Variants in RBFOX1 observed in about 807,000 individuals in gnomAD.
The protein encoded by RBFOX1 is RNA binding protein fox-1 homolog 1.
A neutral mutation model predicts 57.7 loss-of-function variants in RBFOX1; 8 were observed. The observed-to-expected ratio is 0.14, with a 90% CI of 0.08 to 0.25. RBFOX1 has a LOEUF of 0.25. Ranked by LOEUF, RBFOX1 falls within the 10% of genes least tolerant of loss-of-function variation. The pLI, the probability that RBFOX1 is intolerant of heterozygous loss-of-function variation, is 1.00. For missense variants in RBFOX1, 611 were observed against 548.5 expected, an observed-to-expected ratio of 1.11 and a Z score of -1.14; for synonymous variants, 326 against 222.4, an observed-to-expected ratio of 1.47 and a Z score of -4.15.
chr16:6,070,598 T>C (rs932464935), intron 1 of RBFOX1, among the ~76,000 whole-genome samples: 1 of 152,172 alleles, frequency 6.6e-6, no homozygotes, highest in African/African-American at 2.4e-5. Flanking sequence ...AGCAGCTGGC[T>C]ATGGAGAGGC....
Position 6,183,499 on chromosome 16 carries a change from T to TAAATAAATAAAA in RBFOX1, c.-126-133485_-126-133484insAAAATAAATAAA, listed in dbSNP as rs1282178047. Among the ~76,000 whole-genome samples, 28 of 147,280 alleles carry TAAATAAATAAAA rather than the reference T, an allele frequency of 1.9e-4. No homozygotes were observed. In the East Asian group the frequency reaches 5.5e-3, roughly 29 times the overall value. On this transcript the variant is annotated intron_variant, in intron 1 of 15. Transcript: ENST00000550418. ...CATCTAAAAAAATTAAATAAATAAA[T>TAAATAAATAAAA]AAATAAATAAATAAATAAATAAATA... is the stretch of plus-strand genomic sequence containing the variant.
At chr16:7,109,959 G>C (rs1187274159) in intron 4 of RBFOX1, among the ~76,000 whole-genome samples, 1 of 152,094 alleles carries the variant, frequency 6.6e-6, no homozygotes, top group East Asian at 1.9e-4. Context: ...TGTGATAGGG[G>C]TTATTAAGGA....
intron 2 of RBFOX1, among the ~76,000 whole-genome samples, chr16:6,571,728 A>C (rs2097347528): frequency 6.6e-6 from 1 of 152,214 alleles, no homozygotes; most frequent in South Asian, 2.1e-4. Context: ...TTTATTACAC[A>C]GAGGAAAGAA....
intron 3 of RBFOX1, among the ~76,000 whole-genome samples, chr16:6,685,741 T>C (rs886322769): frequency 6.6e-6 from 1 of 152,134 alleles, no homozygotes; most frequent in African/African-American, 2.4e-5. Flanking sequence ...TTTTAACAAT[T>C]TGGTGTCTGC....
intron 1 of RBFOX1, among the ~76,000 whole-genome samples, chr16:6,231,056 T>G (rs953552264): frequency 6.6e-6 from 1 of 152,132 alleles, no homozygotes; most frequent in African/African-American, 2.4e-5. Context: ...ACTATCCAGA[T>G]AGAAACTAAT....
intron 1 of RBFOX1, among the ~76,000 whole-genome samples, chr16:5,368,268 C>G (rs1305317531): frequency 6.6e-6 from 1 of 152,212 alleles, no homozygotes. Context: ...TTTTTTTACG[C>G]TTGCGACTGC....
In RBFOX1 at chr16:6,509,345, A is replaced by T. The variant is rs138115449; in HGVS notation, c.-63-145258A>T. The stretch of plus-strand genomic sequence containing the variant: ...TGGTACATATACACAGTGGACTACT[A>T]TTCAGCTATAAAAAGAATGAGATCC... On this transcript the variant is annotated intron_variant, in intron 2 of 15. Coordinates refer to ENST00000550418, the MANE Select transcript of RBFOX1 (RefSeq NM_018723.4). Among the ~76,000 whole-genome samples, 32 of 152,342 alleles carry T rather than the reference A, an allele frequency of 2.1e-4. 1 individual carries two copies. In the East Asian group the frequency reaches 6.2e-3, roughly 29 times the overall value.
intron 2 of RBFOX1, among the ~76,000 whole-genome samples, chr16:6,627,946 A>G (rs116394253): frequency 0.022 from 3,325 of 152,316 alleles, 140 homozygotes; most frequent in African/African-American, 0.075. Context: ...CTCCTGTTCA[A>G]GGCCCACTCT....
intron 3 of RBFOX1, chr16:6,721,754 T>C (rs2066037690): frequency 6.6e-6 from 1 of 152,162 alleles, no homozygotes; most frequent in Non-Finnish European, 1.5e-5. Flanking sequence ...AATTAATTAA[T>C]TTTTTGACCC....
chr16:7,313,037 C>T (rs549216144), intron 4 of RBFOX1, among the ~76,000 whole-genome samples: 65 of 152,180 alleles, frequency 4.3e-4, no homozygotes, highest in Non-Finnish European at 6.0e-4. Context: ...GGAGAGGCAG[C>T]GTGTTCCCCA....
chr16:5,477,252 T>G (rs1414842412), intron 2 of RBFOX1, among the ~76,000 whole-genome samples: 1 of 148,264 alleles, frequency 6.7e-6, no homozygotes, highest in African/African-American at 2.4e-5. Context: ...GGTGCCTGTA[T>G]TTTTTTTCCT....
In RBFOX1 at chr16:6,440,713, A is replaced by G. The variant is rs976037748; in HGVS notation, c.-64+123656A>G. On this transcript the variant is annotated intron_variant, in intron 2 of 15. Transcript: ENST00000550418. Reference sequence around the variant, plus strand: ...CTACTTGGGAGGCTGAGGCAGGAGAATCGCTTGAACTTGGGAGGCAGAGGT... The same window carrying G: ...CTACTTGGGAGGCTGAGGCAGGAGAGTCGCTTGAACTTGGGAGGCAGAGGT... Among the ~76,000 whole-genome samples the G allele has an allele frequency of 1.7e-4, 26 of 151,802 alleles. 1 individual carries two copies. The Middle Eastern group carries it at 0.01, about 60-fold the overall frequency.
chr16:6,685,279 T>TTC (rs1555690658), intron 3 of RBFOX1, among the ~76,000 whole-genome samples: 3 of 103,486 alleles, frequency 2.9e-5, no homozygotes, highest in Admixed American at 1.0e-4. Flanking sequence ...TTTTCTTTTT[T>TTC]TTTTTTTTTT....
chr16:6,973,772 T>G (rs892320083), intron 3 of RBFOX1, among the ~76,000 whole-genome samples: 1 of 152,124 alleles, frequency 6.6e-6, no homozygotes, highest in African/African-American at 2.4e-5. Flanking sequence ...TAACCGGTAG[T>G]TTTTAATTTT....
At chr16:6,541,438 C>T (rs141051972) in intron 2 of RBFOX1, among the ~76,000 whole-genome samples, 1 of 152,316 alleles carries the variant, frequency 6.6e-6, no homozygotes, top group Non-Finnish European at 1.5e-5. Context: ...GAGTTGGTCA[C>T]AGTGCAGGGA....
At chr16:7,157,908 C>T (rs1320621132) in intron 4 of RBFOX1, among the ~76,000 whole-genome samples, 4 of 152,162 alleles carry the variant, frequency 2.6e-5, no homozygotes, top group East Asian at 1.9e-4. Context: ...GTAGAGACTT[C>T]CGAGGAGCTG....
chr16:5,534,842 A>G (rs1035522670), intron 2 of RBFOX1, among the ~76,000 whole-genome samples: 28 of 152,232 alleles, frequency 1.8e-4, no homozygotes, highest in African/African-American at 6.8e-4. Flanking sequence ...AACATCAACT[A>G]TCACACATAC....
At chr16:6,621,362 G>C (rs2098228417) in intron 2 of RBFOX1, among the ~76,000 whole-genome samples, 1 of 152,212 alleles carries the variant, frequency 6.6e-6, no homozygotes, top group African/African-American at 2.4e-5. Context: ...TACTCGGGAG[G>C]CTGAGGCAGG....
Position 5,906,108 on chromosome 16 carries a change from A to T in RBFOX1, c.351+38773A>T, listed in dbSNP as rs146975915. On this transcript the variant is annotated intron_variant, in intron 4 of 19. Coordinates refer to the RBFOX1 transcript ENST00000641259. ...GTTCTTAGCTGGCAGCAAACACCTC[A>T]ACTGGTATTTTTCTTGACACAAGCA... Among the ~76,000 whole-genome samples, 944 of 152,168 alleles carry T rather than the reference A, an allele frequency of 6.2e-3. 14 individuals are homozygous for T. Among genetic ancestry groups the T allele is most frequent in the African/African-American group, 0.021 (879 of 41,512 alleles).
Sources: allele counts gnomAD v4.1 joint callset (sites outside exome capture counted in the v4.1 genomes callset), GRCh38; gene constraint gnomAD v4.1.1; transcripts MANE v1.5; gene names NCBI Gene and HGNC (gene_info 2026-07-23, HGNC 2026-07-21).